DOCK10: variants seen among roughly 807,000 people sequenced by gnomAD.
The protein encoded by DOCK10 is dedicator of cytokinesis protein 10.
A neutral mutation model predicts 280.1 loss-of-function variants in DOCK10; 145 were observed. The observed-to-expected ratio is 0.52, with a 90% CI of 0.45 to 0.59. DOCK10 has a LOEUF of 0.59. Ranked by LOEUF, DOCK10 falls within the 20% of genes least tolerant of loss-of-function variation. DOCK10 has a pLI of 0.00. For synonymous variants in DOCK10, 915 were observed against 942.2 expected (o/e 0.97, Z 0.53); for missense variants, 2,368 against 2,651.7 (o/e 0.89, Z 2.35).
chr2:224,917,840 A>G (rs1332030342), intron 2 of DOCK10, among the ~76,000 whole-genome samples: 1 of 152,208 alleles, frequency 6.6e-6, no homozygotes, highest in East Asian at 1.9e-4. Flanking sequence ...ACTTCCAGCC[A>G]TCTGCTTCCT....
At chr2:224,909,865 G>C (rs896113366) in intron 3 of DOCK10, among the ~76,000 whole-genome samples, 2 of 151,858 alleles carry the variant, frequency 1.3e-5, no homozygotes, top group Non-Finnish European at 2.9e-5. Flanking sequence ...TTACATTTAA[G>C]AGATAGGGAG....
Position 224,955,809 on chromosome 2 carries a change from T to C in DOCK10, c.124-24141A>G, listed in dbSNP as rs940008242. Among the ~76,000 whole-genome samples the C allele has an allele frequency of 3.9e-5, 6 of 152,364 alleles. No homozygotes were observed. In the South Asian group the frequency reaches 1.2e-3, roughly 32 times the overall value. On this transcript the variant is annotated intron_variant, in intron 1 of 55. Coordinates refer to ENST00000258390, the MANE Select transcript of DOCK10 (RefSeq NM_014689.3). ...CCCAATTAAAGGGCAAATTAACCTC[T>C]GGGTATGTGTTCTGCACCTCACTAG... is the stretch of plus-strand genomic sequence containing the variant.
In DOCK10 at chr2:224,947,094, G is replaced by C. The variant is rs1703463804; in HGVS notation, c.124-15426C>G. ...CATGCTACATGAATGTAACTCAACAGAAAGGAAAGGAAAGCTGTCAAGTTA... is the reference window on the plus strand; with the variant it reads ...CATGCTACATGAATGTAACTCAACACAAAGGAAAGGAAAGCTGTCAAGTTA... On this transcript the variant is annotated intron_variant, in intron 1 of 55. Coordinates refer to ENST00000258390, the MANE Select transcript of DOCK10 (RefSeq NM_014689.3). 3.7e-6 allele frequency: 5 copies of C among 1,339,702 alleles called. No homozygotes were observed. The African/African-American group carries it at 4.5e-5, about 12-fold the overall frequency. 83.0% of individuals were successfully genotyped at this position (1,339,702 alleles called of 1,614,324 possible).
At chr2:224,898,082 A>G (rs1169497504) in intron 3 of DOCK10, among the ~76,000 whole-genome samples, 1 of 152,236 alleles carries the variant, frequency 6.6e-6, no homozygotes, top group Non-Finnish European at 1.5e-5. Context: ...GGTAAGGTGC[A>G]GGACTGCTGC....
At chr2:224,800,369 A>C in intron 40 of DOCK10, 106 bp from the exon 41 acceptor site, 1 of 586,802 alleles carries the variant, frequency 1.7e-6, no homozygotes, top group Non-Finnish European at 2.9e-6. Context: ...TGGCATTTTG[A>C]TTAATAATTT....
intron 11 of DOCK10, among the ~76,000 whole-genome samples, chr2:224,873,594 CAAAAAAAAAAAAAA>C (rs35401247): frequency 3.0e-5 from 1 of 33,662 alleles, no homozygotes; most frequent in East Asian, 1.3e-3. Context: ...AAGACCATCT[CAAAAAAAAAAAAAA>C]AAAAAAAAAA....
chr2:224,939,818 C>A (rs1206292995), intron 1 of DOCK10, among the ~76,000 whole-genome samples: 4 of 152,204 alleles, frequency 2.6e-5, no homozygotes, highest in Non-Finnish European at 5.9e-5. Flanking sequence ...CAACAATAGG[C>A]ATTTTATAAT....
intron 31 of DOCK10, among the ~76,000 whole-genome samples, chr2:224,813,514 A>G (rs573639857): frequency 1.3e-5 from 2 of 152,274 alleles, no homozygotes; most frequent in African/African-American, 2.4e-5. Flanking sequence ...TTTTACCTCA[A>G]TAAGGCTGGG....
intron 6 of DOCK10, 104 bp from the exon 7 acceptor site, chr2:224,885,909 A>G (rs1024404556): frequency 6.3e-5 from 95 of 1,512,010 alleles, no homozygotes; most frequent in Middle Eastern, 4.9e-4. Flanking sequence ...TATTTCTAGG[A>G]CATTTTTCTA....
intron 3 of DOCK10, among the ~76,000 whole-genome samples, chr2:224,914,454 T>A (rs892593600): frequency 6.6e-6 from 1 of 152,160 alleles, no homozygotes; most frequent in Non-Finnish European, 1.5e-5. Context: ...CAACTTGAAG[T>A]AGAAAGTTTA....
intron 1 of DOCK10, among the ~76,000 whole-genome samples, chr2:224,957,213 T>A (rs1424264399): frequency 6.6e-6 from 1 of 151,680 alleles, no homozygotes; most frequent in Non-Finnish European, 1.5e-5. Flanking sequence ...TTGCCAAAAC[T>A]TCTTGGGGGA....
chr2:224,913,334 T>C (rs1701139397), intron 3 of DOCK10, among the ~76,000 whole-genome samples: 1 of 152,222 alleles, frequency 6.6e-6, no homozygotes, highest in Non-Finnish European at 1.5e-5. Flanking sequence ...TCTATTTCCA[T>C]GACTACTAGT....
Position 224,946,940 on chromosome 2 carries a change from T to C in DOCK10, c.124-15272A>G, listed in dbSNP as rs1390614476. Reference sequence around the variant, plus strand: ...TGGGCTCCCGTTTAAAAACCTTCCCTCGAAAACTCATCGTATTGCTATAAT... The same window carrying C: ...TGGGCTCCCGTTTAAAAACCTTCCCCCGAAAACTCATCGTATTGCTATAAT... On this transcript the variant is annotated intron_variant, in intron 1 of 55. Coordinates refer to ENST00000258390, the MANE Select transcript of DOCK10 (RefSeq NM_014689.3). 12 of 1,542,918 alleles carry C rather than the reference T, an allele frequency of 7.8e-6. No individual in the cohort carries two copies. The Admixed American group carries it at 2.2e-4, about 29-fold the overall frequency.
intron 1 of DOCK10, among the ~76,000 whole-genome samples, chr2:224,943,900 A>C (rs1325227105): frequency 6.6e-6 from 1 of 151,074 alleles, no homozygotes; most frequent in African/African-American, 2.4e-5. Context: ...AGTAGCTGGG[A>C]CTACAGGCAC....
intron 1 of DOCK10, among the ~76,000 whole-genome samples, chr2:224,947,352 A>G (rs1162872209): frequency 6.6e-6 from 1 of 152,236 alleles, no homozygotes; most frequent in African/African-American, 2.4e-5. Flanking sequence ...CCCAAACTTT[A>G]TAATTCTGGT....
chr2:224,945,349 C>T (rs1703342458), intron 1 of DOCK10, among the ~76,000 whole-genome samples: 1 of 152,108 alleles, frequency 6.6e-6, no homozygotes, highest in South Asian at 2.1e-4. Context: ...GGTCCAGGCT[C>T]TTATTTCTGA....
intron 1 of DOCK10, among the ~76,000 whole-genome samples, chr2:225,006,426 C>T (rs1371563053): frequency 6.6e-6 from 1 of 152,238 alleles, no homozygotes; most frequent in Non-Finnish European, 1.5e-5. Flanking sequence ...CTAATAAGTT[C>T]TGCTCCATTT....
intron 1 of DOCK10, among the ~76,000 whole-genome samples, chr2:224,967,356 AGGCG>A (rs1704831698): frequency 6.6e-6 from 1 of 152,222 alleles, no homozygotes; most frequent in Non-Finnish European, 1.5e-5. Flanking sequence ...CTGGGATTAC[AGGCG>A]TGAGCCACCG....
Position 224,796,445 on chromosome 2 carries a change from G to A in DOCK10, c.4828-19C>T. On this transcript the variant is annotated intron_variant, in intron 43 of 55. Transcript: ENST00000258390. ...TGATGAGCTAGAAAAGAAAAAAAAT[G>A]AACTCTCAAAAACAAGACCAGAAAT... is the stretch of plus-strand genomic sequence containing the variant. The A allele has an allele frequency of 6.8e-7, 1 of 1,481,374 alleles. No individual in the cohort carries two copies. The allele number at this position is 1,481,374 out of a possible 1,614,324, so 91.8% of individuals were successfully genotyped here.
Sources: allele counts gnomAD v4.1 joint callset (sites outside exome capture counted in the v4.1 genomes callset), GRCh38; gene constraint gnomAD v4.1.1; transcripts MANE v1.5; gene names NCBI Gene and HGNC (gene_info 2026-07-23, HGNC 2026-07-21).